SLC22A24: variants seen among roughly 807,000 people sequenced by gnomAD.
The protein encoded by SLC22A24 is steroid transmembrane transporter SLC22A24.
In SLC22A24, 53 loss-of-function variants were observed where a neutral mutation model predicts 49.8. That is an observed-to-expected ratio of 1.06 (90% CI 0.85 to 1.34). SLC22A24 has a LOEUF of 1.34. SLC22A24 is among the 40% of genes most tolerant of loss of function. The pLI is 0.00. For synonymous variants in SLC22A24, 302 were observed against 256.4 expected (o/e 1.18, Z -1.70); for missense variants, 786 against 675.9 (o/e 1.16, Z -1.81).
At chr11:63,123,636 A>T (rs183992308) in intron 2 of SLC22A24, among the ~76,000 whole-genome samples, 4 of 152,252 alleles carry the variant, frequency 2.6e-5, no homozygotes, top group Admixed American at 2.6e-4. Context: ...GTCTTCTCTC[A>T]TCTTGTATAG....
chr11:63,114,147 C>T (rs2087195818), intron 4 of SLC22A24, among the ~76,000 whole-genome samples: 1 of 152,142 alleles, frequency 6.6e-6, no homozygotes, highest in Non-Finnish European at 1.5e-5. Flanking sequence ...GGATAATATC[C>T]TGAAGAGTGT....
At chr11:63,087,279 C>T (rs2086993243) in intron 6 of SLC22A24, among the ~76,000 whole-genome samples, 1 of 152,098 alleles carries the variant, frequency 6.6e-6, no homozygotes. Flanking sequence ...CTGCAACCCA[C>T]AGAGGGCAGG....
intron 2 of SLC22A24, among the ~76,000 whole-genome samples, chr11:63,122,876 G>T (rs1045601454): frequency 1.3e-5 from 2 of 152,054 alleles, no homozygotes; most frequent in African/African-American, 2.4e-5. Flanking sequence ...GATATATAGT[G>T]ATGTTTCAAT....
chr11:63,105,789 C>T (rs1485557704), intron 4 of SLC22A24, among the ~76,000 whole-genome samples: 1 of 152,072 alleles, frequency 6.6e-6, no homozygotes, highest in East Asian at 1.9e-4. Flanking sequence ...GCCTTTGGCT[C>T]CTCATTACTT....
intron 5 of SLC22A24, among the ~76,000 whole-genome samples, chr11:63,098,107 A>G (rs1400645548): frequency 2.0e-5 from 3 of 152,174 alleles, no homozygotes; most frequent in Non-Finnish European, 2.9e-5. Flanking sequence ...TAAAAAATGG[A>G]AATAATATCA....
intron 4 of SLC22A24, among the ~76,000 whole-genome samples, chr11:63,105,716 G>C (rs981882492): frequency 2.0e-5 from 3 of 151,964 alleles, no homozygotes; most frequent in African/African-American, 7.3e-5. Flanking sequence ...CCTATGATGG[G>C]AGGGGCTGCC....
chr11:63,113,165 C>T (rs1359986262), intron 4 of SLC22A24, among the ~76,000 whole-genome samples: 1 of 7,628 alleles, frequency 1.3e-4, no homozygotes, highest in Non-Finnish European at 1.2e-3. Flanking sequence ...TATATATATA[C>T]ACATATATAT....
intron 4 of SLC22A24, among the ~76,000 whole-genome samples, chr11:63,104,770 G>T (rs2087110336): frequency 6.6e-6 from 1 of 152,208 alleles, no homozygotes; most frequent in East Asian, 1.9e-4. Flanking sequence ...ATCGCCCACT[G>T]GGTCCCTCAC....
In SLC22A24 at chr11:63,138,074, G is replaced by A. The variant is rs543588963; in HGVS notation, c.403-3306C>T. Among the ~76,000 whole-genome samples, 14 of 152,270 alleles carry A rather than the reference G, an allele frequency of 9.2e-5. No homozygotes were observed. The South Asian group carries it at 2.7e-3, about 29-fold the overall frequency. ...TCTGTGTTCTGTAATGGAGAGAGGG[G>A]TATCAACAGGATAGAACGTGGGTTT... On this transcript the variant is annotated intron_variant, in intron 1 of 9. Coordinates refer to ENST00000612278, the MANE Select transcript of SLC22A24 (RefSeq NM_001136506.2).
In SLC22A24 at chr11:63,143,908, G is replaced by T. The variant is rs1447497675; in HGVS notation, c.-129C>A. 2.6e-6 allele frequency: 2 copies of T among 755,188 alleles called. No homozygotes were observed. Among genetic ancestry groups the T allele is most frequent in the African/African-American group, 1.8e-5 (1 of 54,530 alleles). The allele number at this position is 755,188 out of a possible 1,614,324, so 46.8% of individuals were successfully genotyped here. ...GGATCCTGACACTGCTTTCTTCTTGGTGGGCCCTGCACTGAGTGGTGTGAC... is the reference window on the plus strand; with the variant it reads ...GGATCCTGACACTGCTTTCTTCTTGTTGGGCCCTGCACTGAGTGGTGTGAC... On this transcript the variant is annotated 5_prime_UTR_variant, in exon 1 of 10. Coordinates refer to ENST00000612278, the MANE Select transcript of SLC22A24 (RefSeq NM_001136506.2).
At chr11:63,140,734 C>T (rs951394057) in intron 1 of SLC22A24, among the ~76,000 whole-genome samples, 1 of 152,076 alleles carries the variant, frequency 6.6e-6, no homozygotes, top group South Asian at 2.1e-4. Context: ...ATTGAGATTA[C>T]TGGAGAAACA....
At chr11:63,135,957 AC>A (rs755285721) in intron 1 of SLC22A24, among the ~76,000 whole-genome samples, 10 of 152,248 alleles carry the variant, frequency 6.6e-5, no homozygotes, top group Non-Finnish European at 1.5e-4. Flanking sequence ...TCTTACAACT[AC>A]GCAAGAAGTT....
At chr11:63,105,903 C>T (rs1467083813) in intron 4 of SLC22A24, among the ~76,000 whole-genome samples, 1 of 148,172 alleles carries the variant, frequency 6.7e-6, no homozygotes, top group Admixed American at 6.8e-5. Flanking sequence ...TGCACTGTTG[C>T]CCTTTTAAAA....
At chr11:63,097,938 A>G (rs1170350286) in intron 5 of SLC22A24, among the ~76,000 whole-genome samples, 1 of 152,066 alleles carries the variant, frequency 6.6e-6, no homozygotes, top group African/African-American at 2.4e-5. Flanking sequence ...GGGCAAAAGG[A>G]GGGAAAGCAT....
intron 4 of SLC22A24, among the ~76,000 whole-genome samples, chr11:63,112,932 G>A (rs956402421): frequency 2.8e-5 from 4 of 144,360 alleles, no homozygotes; most frequent in Admixed American, 7.1e-5. Context: ...GGAGAATGGC[G>A]TGAACCCGGG....
intron 6 of SLC22A24, among the ~76,000 whole-genome samples, chr11:63,092,144 C>G (rs1361324135): frequency 6.6e-6 from 1 of 152,006 alleles, no homozygotes; most frequent in Non-Finnish European, 1.5e-5. Flanking sequence ...AGTGAACTCC[C>G]ATTCACAATT....
At chr11:63,084,507 G>A (rs2086976655) in intron 6 of SLC22A24, among the ~76,000 whole-genome samples, 1 of 152,118 alleles carries the variant, frequency 6.6e-6, no homozygotes, top group African/African-American at 2.4e-5. Flanking sequence ...GAAAATGTAT[G>A]CAGGAGCCAG....
rs1182028464 is a variant in SLC22A24, at chr11:63,083,284, G to A, written c.1244C>T (p.Pro415Leu). Reference sequence around the variant, plus strand: ...GTTGACCAGAATGAAAAGTCCCACCGGGAACGTGAACAATATCTGGCTTAT... The same window carrying A: ...GTTGACCAGAATGAAAAGTCCCACCAGGAACGTGAACAATATCTGGCTTAT... ...RRISQILFTF[P>L]VGLFILVNTF... Residue 415 changes from proline (P) to leucine (L), a missense_variant, in exon 7 of 10, where the codon CCG becomes CTG. Transcript: ENST00000612278. The A allele has an allele frequency of 3.8e-6, 6 of 1,561,156 alleles. No individual in the cohort carries two copies. In the Admixed American group the frequency reaches 1.2e-4, roughly 30 times the overall value.
At chr11:63,093,375 A>G (rs886471791) in intron 6 of SLC22A24, among the ~76,000 whole-genome samples, 5 of 152,192 alleles carry the variant, frequency 3.3e-5, no homozygotes, top group African/African-American at 9.7e-5. Context: ...TCATTCTACC[A>G]TAAAAACACA....
Sources: allele counts gnomAD v4.1 joint callset (sites outside exome capture counted in the v4.1 genomes callset), GRCh38; gene constraint gnomAD v4.1.1; transcripts MANE v1.5; gene names NCBI Gene and HGNC (gene_info 2026-07-23, HGNC 2026-07-21).